MARK1: variants seen among roughly 807,000 people sequenced by gnomAD.
The protein encoded by MARK1 is microtubule affinity regulating kinase 1.
In MARK1, 40 loss-of-function variants were observed where a neutral mutation model predicts 96.3. The ratio of observed to expected loss-of-function variants is 0.42; its 90% CI spans 0.32 to 0.54. MARK1 has a LOEUF of 0.54. MARK1 is among the 20% of genes least tolerant of loss of function. The pLI, the probability that MARK1 is intolerant of heterozygous loss-of-function variation, is 0.16. For missense variants in MARK1, 719 were observed against 984.6 expected (o/e 0.73, Z 3.61); for synonymous variants, 317 against 341.2 (o/e 0.93, Z 0.78).
intron 13 of MARK1, among the ~76,000 whole-genome samples, chr1:220,643,643 C>T (rs567147254): frequency 5.9e-5 from 9 of 152,012 alleles, no homozygotes; most frequent in African/African-American, 1.4e-4. Context: ...AAGGTCAAAA[C>T]GAAGGAAAAA....
At chr1:220,582,175 G>A (rs1367257125) in intron 3 of MARK1, among the ~76,000 whole-genome samples, 2 of 152,026 alleles carry the variant, frequency 1.3e-5, no homozygotes, top group Non-Finnish European at 2.9e-5. Flanking sequence ...TGTACTTATC[G>A]GAGATTCTTT....
chr1:220,645,388 C>A (rs1041342807), intron 13 of MARK1, among the ~76,000 whole-genome samples: 17 of 152,278 alleles, frequency 1.1e-4, no homozygotes, highest in African/African-American at 4.1e-4. Context: ...CCTGAATAGA[C>A]CAATAACAAG....
At chr1:220,581,631 A>G (rs978228531) in intron 3 of MARK1, among the ~76,000 whole-genome samples, 1 of 152,212 alleles carries the variant, frequency 6.6e-6, no homozygotes, top group Non-Finnish European at 1.5e-5. Context: ...AATATTGTTC[A>G]TAGGTGAGTT....
intron 5 of MARK1, among the ~76,000 whole-genome samples, chr1:220,600,098 C>T (rs865833934): frequency 2.6e-5 from 4 of 151,976 alleles, no homozygotes; most frequent in African/African-American, 9.7e-5. Context: ...TTTTTTGAAA[C>T]GTTAAATTTG....
intron 17 of MARK1, among the ~76,000 whole-genome samples, chr1:220,659,399 C>T (rs1273574494): frequency 6.6e-6 from 1 of 152,158 alleles, no homozygotes; most frequent in Non-Finnish European, 1.5e-5. Context: ...AGCCAGAGTG[C>T]ATGGGTTTCA....
At chr1:220,600,739 A>C (rs1665681192) in intron 5 of MARK1, among the ~76,000 whole-genome samples, 1 of 152,150 alleles carries the variant, frequency 6.6e-6, no homozygotes, top group Non-Finnish European at 1.5e-5. Flanking sequence ...CAATAGAAAA[A>C]CTTAGTGTTG....
Position 220,635,547 on chromosome 1 carries a change from A to G in MARK1, c.1276+18A>G, listed in dbSNP as rs754968120. On this transcript the variant is annotated intron_variant, in intron 12 of 17. Transcript: ENST00000366917. ...TGATCATGGTAGGGGAAAAAGTCAC[A>G]TAAGTGAAGCAACACACGGGTTCTT... 7.5e-6 allele frequency: 12 copies of G among 1,600,176 alleles called. No homozygotes were observed. In the South Asian group the frequency reaches 1.1e-4, roughly 15 times the overall value.
At chr1:220,605,067 A>G (rs1452477560) in intron 6 of MARK1, among the ~76,000 whole-genome samples, 1 of 139,904 alleles carries the variant, frequency 7.1e-6, no homozygotes, top group African/African-American at 2.4e-5. Context: ...ATCTTTCTCT[A>G]AGATACATAT....
intron 1 of MARK1, among the ~76,000 whole-genome samples, chr1:220,529,232 T>C (rs1029825348): frequency 6.6e-6 from 1 of 152,160 alleles, no homozygotes; most frequent in Non-Finnish European, 1.5e-5. Flanking sequence ...CCCGAATGAA[T>C]GCTTGCTTTA....
intron 1 of MARK1, among the ~76,000 whole-genome samples, chr1:220,561,357 C>T (rs1360765559): frequency 3.3e-5 from 5 of 151,946 alleles, no homozygotes; most frequent in East Asian, 1.9e-4. Flanking sequence ...TAAAACATTA[C>T]GAGAATTTCT....
At chr1:220,600,969 T>G (rs1665700188) in intron 5 of MARK1, among the ~76,000 whole-genome samples, 1 of 151,802 alleles carries the variant, frequency 6.6e-6, no homozygotes, top group East Asian at 1.9e-4. Flanking sequence ...CTCGGTTCAC[T>G]GCAAGCTCCG....
At chr1:220,637,810 A>AG (rs1301672696) in intron 13 of MARK1, among the ~76,000 whole-genome samples, 1 of 152,090 alleles carries the variant, frequency 6.6e-6, no homozygotes, top group Non-Finnish European at 1.5e-5. Flanking sequence ...GAAAAAAAAA[A>AG]AAACCTCAGC....
chr1:220,558,863 T>A (rs1558258126), intron 1 of MARK1, among the ~76,000 whole-genome samples: 3 of 152,158 alleles, frequency 2.0e-5, no homozygotes, highest in Non-Finnish European at 2.9e-5. Context: ...CAGAATATAC[T>A]CTTCTCTTGA....
intron 3 of MARK1, among the ~76,000 whole-genome samples, chr1:220,591,392 G>A (rs17584565): frequency 0.044 from 6,701 of 152,266 alleles, 254 homozygotes; most frequent in Non-Finnish European, 0.063. Context: ...TTCATAAAAA[G>A]TAACTGGAGT....
intron 11 of MARK1, among the ~76,000 whole-genome samples, chr1:220,633,772 CTG>C (rs1454279239): frequency 1.3e-5 from 2 of 152,182 alleles, no homozygotes; most frequent in Non-Finnish European, 2.9e-5. Flanking sequence ...ATATGGAAGA[CTG>C]TGTAAGCACA....
chr1:220,564,624 T>G (rs1408725048), intron 1 of MARK1, among the ~76,000 whole-genome samples: 1 of 152,154 alleles, frequency 6.6e-6, no homozygotes, highest in Non-Finnish European at 1.5e-5. Context: ...TGGGAAACAA[T>G]TCTAGCTGAC....
In MARK1 at chr1:220,528,437, A is replaced by G. The variant is rs1660059167; in HGVS notation, c.-386A>G. On this transcript the variant is annotated 5_prime_UTR_variant, in exon 1 of 18. Coordinates refer to ENST00000366917, the MANE Select transcript of MARK1 (RefSeq NM_018650.5). ...AGGCGCTCGCCAGGACGAGCCAGGC[A>G]GTGATTTGAGGCACCGGCTTCACCT... 4.9e-6 allele frequency: 1 copy of G among 205,860 alleles called. No individual in the cohort carries two copies. The highest frequency in any genetic ancestry group is 2.3e-5 in the African/African-American group (1 of 43,104). The allele number at this position is 205,860 out of a possible 1,614,324, so 12.8% of individuals were successfully genotyped here.
At chr1:220,558,391 A>G (rs1380826531) in intron 1 of MARK1, among the ~76,000 whole-genome samples, 1 of 151,556 alleles carries the variant, frequency 6.6e-6, no homozygotes, top group Non-Finnish European at 1.5e-5. Context: ...AAAACCAGGT[A>G]AGATAATCAG....
In MARK1 at chr1:220,640,540, A is replaced by G. The variant is rs576218497; in HGVS notation, c.1470+4514A>G. 2.6e-5 allele frequency among the ~76,000 whole-genome samples: 4 copies of G among 152,300 alleles called. No individual in the cohort carries two copies. In the South Asian group the frequency reaches 8.3e-4, roughly 32 times the overall value. ...TCATCTGTTTTATTGTTCATCACCC[A>G]CAACCATCACAGACTAGAAATGAAA... is the stretch of plus-strand genomic sequence containing the variant. On this transcript the variant is annotated intron_variant, in intron 13 of 17. Coordinates refer to ENST00000366917, the MANE Select transcript of MARK1 (RefSeq NM_018650.5).
Sources: allele counts gnomAD v4.1 joint callset (sites outside exome capture counted in the v4.1 genomes callset), GRCh38; gene constraint gnomAD v4.1.1; transcripts MANE v1.5; gene names NCBI Gene and HGNC (gene_info 2026-07-23, HGNC 2026-07-21).